The following HACD2 variants were observed in gnomAD, a reference collection of about 807,000 sequenced individuals.
HACD2 encodes very-long-chain (3R)-3-hydroxyacyl-CoA dehydratase 2.
A neutral mutation model predicts 31.0 loss-of-function variants in HACD2; 15 were observed. That is an observed-to-expected ratio of 0.48 (90% CI 0.32 to 0.75). The LOEUF (loss-of-function observed/expected upper bound fraction) is 0.75. HACD2 is among the 30% of genes least tolerant of loss of function. The pLI is 0.03. For synonymous variants in HACD2, 115 were observed against 122.2 expected, an observed-to-expected ratio of 0.94 and a Z score of 0.39; for missense variants, 283 against 313.0, an observed-to-expected ratio of 0.90 and a Z score of 0.72.
rs2055811536 is a variant in HACD2 at position 123,494,708 on chromosome 3, C to T, written c.*180G>A. 2 of 623,726 alleles carry T rather than the reference C, an allele frequency of 3.2e-6. No homozygotes were observed. The highest frequency in any genetic ancestry group is 2.8e-6 in the Non-Finnish European group (1 of 355,254). The allele number at this position is 623,726 out of a possible 1,614,324, so 38.6% of individuals were successfully genotyped here. On this transcript the variant is annotated 3_prime_UTR_variant, in exon 7 of 7. Transcript: ENST00000383657. ...CTGGCCAGGGTGTTTTATGTAACAACCTTTTTCTAAAATAAAATCTCAGGC... is the reference window on the plus strand; with the variant it reads ...CTGGCCAGGGTGTTTTATGTAACAATCTTTTTCTAAAATAAAATCTCAGGC...
At chr3:123,556,738 T>C (rs1399878388) in intron 3 of HACD2, among the ~76,000 whole-genome samples, 1 of 152,034 alleles carries the variant, frequency 6.6e-6, no homozygotes, top group East Asian at 1.9e-4. Context: ...GTATCCAAAA[T>C]ATAGAAAGAA....
At chr3:123,519,952 T>C (rs1262069254) in intron 4 of HACD2, among the ~76,000 whole-genome samples, 1 of 152,196 alleles carries the variant, frequency 6.6e-6, no homozygotes, top group Non-Finnish European at 1.5e-5. Flanking sequence ...TCAAACTCAG[T>C]GGGATAATAA....
intron 3 of HACD2, among the ~76,000 whole-genome samples, chr3:123,557,463 T>G (rs1396080597): frequency 6.6e-6 from 1 of 151,824 alleles, no homozygotes; most frequent in African/African-American, 2.4e-5. Context: ...GATAGCAAGA[T>G]CCCATCTGTA....
rs138466629 is a variant in HACD2, at chr3:123,502,826, G to A, written c.382-145C>T. 120 of 763,140 alleles carry A rather than the reference G, an allele frequency of 1.6e-4. No homozygotes were observed. The African/African-American group carries it at 1.8e-3, about 12-fold the overall frequency. 47.3% of individuals were successfully genotyped at this position (763,140 alleles called of 1,614,324 possible). A position where few individuals can be genotyped will look rare whatever the true frequency, so the allele number is the denominator to read the frequency against. On this transcript the variant is annotated intron_variant, in intron 4 of 6. Coordinates refer to ENST00000383657, the MANE Select transcript of HACD2 (RefSeq NM_198402.5). ...CCCCTGTATGGCAGAAAGAGCTTGC[G>A]TGTAGAGCTGGGGCCTAGGATGACA...
intron 4 of HACD2, among the ~76,000 whole-genome samples, chr3:123,505,181 G>T (rs1422102899): frequency 6.6e-6 from 1 of 152,210 alleles, no homozygotes; most frequent in Admixed American, 6.5e-5. Context: ...AATACTGTGT[G>T]ATTCTACTCA....
At chr3:123,502,729 A>C (rs373962665) in intron 4 of HACD2, 48 bp from the exon 5 acceptor site, 12 of 1,554,228 alleles carry the variant, frequency 7.7e-6, no homozygotes, top group Non-Finnish European at 1.0e-5. Context: ...GACAACGTTA[A>C]TGAAGACAGT....
chr3:123,530,576 T>C (rs1403016645), intron 3 of HACD2, among the ~76,000 whole-genome samples: 1 of 151,656 alleles, frequency 6.6e-6, no homozygotes, highest in Non-Finnish European at 1.5e-5. Flanking sequence ...GCCCGGCTAA[T>C]TTTTATATTT....
chr3:123,551,728 C>A (rs2056622845), intron 3 of HACD2, among the ~76,000 whole-genome samples: 1 of 152,008 alleles, frequency 6.6e-6, no homozygotes, highest in Admixed American at 6.5e-5. Flanking sequence ...TAACTTTTGA[C>A]CTATTTCTGG....
At chr3:123,498,385 G>A (rs2055860782) in intron 6 of HACD2, among the ~76,000 whole-genome samples, 1 of 152,224 alleles carries the variant, frequency 6.6e-6, no homozygotes, top group Non-Finnish European at 1.5e-5. Flanking sequence ...CTTCTGTTGG[G>A]AGGAGAGTCC....
chr3:123,540,283 T>C (rs1030831962), intron 3 of HACD2, among the ~76,000 whole-genome samples: 11 of 152,264 alleles, frequency 7.2e-5, no homozygotes, highest in East Asian at 1.9e-4. Flanking sequence ...CATCCACTTA[T>C]TGAAGTTCTT....
chr3:123,526,930 G>A (rs538992474), intron 4 of HACD2, among the ~76,000 whole-genome samples: 6 of 152,334 alleles, frequency 3.9e-5, no homozygotes, highest in African/African-American at 1.4e-4. Context: ...GCTCATAGCT[G>A]AGGAGTGGTC....
chr3:123,518,403 C>T (rs1328603825), intron 4 of HACD2, among the ~76,000 whole-genome samples: 1 of 152,176 alleles, frequency 6.6e-6, no homozygotes, highest in South Asian at 2.1e-4. Flanking sequence ...CTTCCATGTT[C>T]TTTTAAAATC....
At chr3:123,525,968 T>C (rs1234481630) in intron 4 of HACD2, among the ~76,000 whole-genome samples, 3 of 152,222 alleles carry the variant, frequency 2.0e-5, no homozygotes, top group Non-Finnish European at 4.4e-5. Flanking sequence ...AATTGAACTA[T>C]AGCTAATATG....
intron 4 of HACD2, among the ~76,000 whole-genome samples, chr3:123,527,568 T>G (rs916595143): frequency 1.3e-5 from 2 of 152,216 alleles, no homozygotes; most frequent in African/African-American, 4.8e-5. Context: ...AGAGTAGTGA[T>G]GCTGGCAATT....
At chr3:123,512,945 C>G (rs1371457444) in intron 4 of HACD2, among the ~76,000 whole-genome samples, 1 of 152,124 alleles carries the variant, frequency 6.6e-6, no homozygotes. Context: ...GATCCTGGAT[C>G]CTAAGTTACC....
intron 3 of HACD2, among the ~76,000 whole-genome samples, chr3:123,565,487 A>C (rs961765495): frequency 2.0e-5 from 3 of 152,194 alleles, no homozygotes; most frequent in Non-Finnish European, 2.9e-5. Flanking sequence ...GGACACAGTA[A>C]GAAGCTACTG....
intron 4 of HACD2, among the ~76,000 whole-genome samples, chr3:123,517,680 A>C (rs1006368562): frequency 6.6e-5 from 10 of 152,186 alleles, no homozygotes; most frequent in African/African-American, 2.4e-4. Flanking sequence ...AAGATTTACC[A>C]CTGACAGAAA....
At chr3:123,578,253 T>C (rs2056928586) in intron 2 of HACD2, among the ~76,000 whole-genome samples, 1 of 152,228 alleles carries the variant, frequency 6.6e-6, no homozygotes. Context: ...ATTTTATCCA[T>C]GAGTAGCATT....
intron 3 of HACD2, among the ~76,000 whole-genome samples, chr3:123,542,057 G>A (rs1474420876): frequency 1.5e-5 from 2 of 133,464 alleles, no homozygotes; most frequent in Middle Eastern, 4.3e-3. Context: ...TGAGGCAGGA[G>A]AATGGCGTGA....
Sources: allele counts gnomAD v4.1 joint callset (sites outside exome capture counted in the v4.1 genomes callset), GRCh38; gene constraint gnomAD v4.1.1; transcripts MANE v1.5; gene names NCBI Gene and HGNC (gene_info 2026-07-23, HGNC 2026-07-21).